The following UXS1 variants were observed in gnomAD, a reference collection of about 807,000 sequenced individuals.
UXS1 encodes the protein UDP-glucuronic acid decarboxylase 1.
UXS1 carries 33 observed loss-of-function variants against 62.6 expected under a neutral mutation model. The ratio of observed to expected loss-of-function variants is 0.53; its 90% confidence interval spans 0.40 to 0.70. The LOEUF is 0.70. Ranked by LOEUF, UXS1 falls within the 30% of genes least tolerant of loss-of-function variation. The pLI is 0.00. For missense variants in UXS1, 434 were observed against 556.3 expected, an observed-to-expected ratio of 0.78 and a Z score of 2.21; for synonymous variants, 213 against 206.8, an observed-to-expected ratio of 1.03 and a Z score of -0.26.
At chr2:106,106,364 C>CCA (rs566317519) in intron 10 of UXS1, among the ~76,000 whole-genome samples, 5 of 127,672 alleles carry the variant, frequency 3.9e-5, no homozygotes, top group Non-Finnish European at 6.5e-5. Context: ...AACTCCGTCT[C>CCA]AAAAAAAAAA....
intron 9 of UXS1, 94 bp from the exon 10 acceptor site, chr2:106,112,859 G>T (rs1678732103): frequency 6.7e-7 from 1 of 1,481,714 alleles, no homozygotes. Context: ...ATGCAGAATG[G>T]AAACGTTCTG....
At chr2:106,163,497 G>C (rs1002410901) in intron 4 of UXS1, among the ~76,000 whole-genome samples, 170 bp downstream of exon 4, 2 of 152,326 alleles carry the variant, frequency 1.3e-5, no homozygotes, top group Admixed American at 1.3e-4. Flanking sequence ...AACACATCTA[G>C]ATTGATTCTT....
intron 9 of UXS1, among the ~76,000 whole-genome samples, chr2:106,117,677 C>T (rs993996739): frequency 2.0e-5 from 3 of 152,140 alleles, no homozygotes; most frequent in African/African-American, 4.8e-5. Flanking sequence ...AGGAAGTGCA[C>T]CAAGGTACAG....
intron 13 of UXS1, chr2:106,097,426 G>A (rs1373565656): frequency 8.6e-6 from 3 of 349,720 alleles, no homozygotes; most frequent in African/African-American, 2.1e-5. Context: ...GAAAGCCTGT[G>A]GAGGCTTTCC....
intron 5 of UXS1, among the ~76,000 whole-genome samples, chr2:106,149,872 C>T (rs1279307094): frequency 6.6e-6 from 1 of 152,106 alleles, no homozygotes; most frequent in Admixed American, 6.6e-5. Context: ...AAGAGAAGAG[C>T]TGTGGGGGAA....
At chr2:106,105,644 C>G (rs1423495177) in intron 10 of UXS1, among the ~76,000 whole-genome samples, 2 of 152,192 alleles carry the variant, frequency 1.3e-5, no homozygotes, top group African/African-American at 4.8e-5. Context: ...GGTGTCCGAA[C>G]CCCCTTTGCC....
chr2:106,149,352 C>T (rs148188205), intron 5 of UXS1, among the ~76,000 whole-genome samples: 1 of 152,290 alleles, frequency 6.6e-6, no homozygotes. Context: ...AACGTGTCCA[C>T]CAAAAGCACA....
At chr2:106,095,732 C>T (rs571203076) in intron 14 of UXS1, among the ~76,000 whole-genome samples, 9 of 152,202 alleles carry the variant, frequency 5.9e-5, no homozygotes, top group Non-Finnish European at 1.2e-4. Flanking sequence ...AGGGAACAGC[C>T]AGGCAGAGGT....
intron 6 of UXS1, chr2:106,138,448 T>C (rs1018330658): frequency 2.0e-6 from 2 of 985,234 alleles, no homozygotes; most frequent in African/African-American, 1.7e-5. Context: ...GCCCCCTCGG[T>C]CACCCACAAA....
intron 5 of UXS1, among the ~76,000 whole-genome samples, chr2:106,151,989 C>A (rs538431886): frequency 2.0e-5 from 3 of 152,244 alleles, no homozygotes; most frequent in African/African-American, 4.8e-5. Context: ...GGTAAAAGAA[C>A]AAAACAACCT....
At chr2:106,131,266 A>G (rs1573475466) in intron 6 of UXS1, among the ~76,000 whole-genome samples, 2 of 147,140 alleles carry the variant, frequency 1.4e-5, no homozygotes, top group East Asian at 2.0e-4. Flanking sequence ...CGCCCATGGA[A>G]TCTCGCTGAT....
At chr2:106,187,644 A>T (rs1377822224) in intron 1 of UXS1, among the ~76,000 whole-genome samples, 1 of 152,230 alleles carries the variant, frequency 6.6e-6, no homozygotes, top group Non-Finnish European at 1.5e-5. Flanking sequence ...GACAGGAAAG[A>T]AAGGTACCAC....
intron 9 of UXS1, among the ~76,000 whole-genome samples, chr2:106,118,493 T>A (rs1297806168): frequency 6.6e-6 from 1 of 152,120 alleles, no homozygotes; most frequent in Non-Finnish European, 1.5e-5. Context: ...GACCGCAGCC[T>A]ACGGGAGAGG....
chr2:106,194,250 G>A lies in UXS1; in HGVS notation c.-9C>T. ...AGCGCCTTGCTCACCATCCCCGGGA[G>A]CCGCGCGGGTCCAGGGCCCTACCGC... On this transcript the variant is annotated 5_prime_UTR_variant, in exon 1 of 15. Transcript: ENST00000283148. The A allele has an allele frequency of 7.0e-7, 1 of 1,425,008 alleles. No individual in the cohort carries two copies. The highest frequency in any genetic ancestry group is 9.2e-7 in the Non-Finnish European group (1 of 1,082,036). 88.3% of individuals were successfully genotyped at this position (1,425,008 alleles called of 1,614,324 possible).
At chr2:106,152,491 G>A (rs549023495) in intron 5 of UXS1, among the ~76,000 whole-genome samples, 16 of 30,932 alleles carry the variant, frequency 5.2e-4, no homozygotes, top group Non-Finnish European at 1.0e-3. Context: ...GGAAGGGAGG[G>A]AGAGAGGGAG....
At chr2:106,178,594 GTATGTGTGTGTATATA>G (rs1173854577) in intron 1 of UXS1, among the ~76,000 whole-genome samples, 6 of 151,838 alleles carry the variant, frequency 4.0e-5, no homozygotes, top group Non-Finnish European at 8.8e-5. Flanking sequence ...ATATGTACAT[GTATGTGTGTGTATATA>G]TGTGTGTGTG....
intron 6 of UXS1, among the ~76,000 whole-genome samples, chr2:106,141,138 C>T (rs1379091321): frequency 6.6e-6 from 1 of 152,142 alleles, no homozygotes; most frequent in East Asian, 1.9e-4. Flanking sequence ...ACAAGTAATG[C>T]TGAAGGGAAA....
chr2:106,187,451 A>G (rs958602776), intron 1 of UXS1, among the ~76,000 whole-genome samples: 1 of 152,140 alleles, frequency 6.6e-6, no homozygotes, highest in African/African-American at 2.4e-5. Flanking sequence ...GTCCCGAATG[A>G]ATTTATGAGG....
At chr2:106,122,254 G>A (rs1283587689) in intron 9 of UXS1, among the ~76,000 whole-genome samples, 2 of 152,196 alleles carry the variant, frequency 1.3e-5, no homozygotes, top group Non-Finnish European at 2.9e-5. Flanking sequence ...CAAGCCCAAG[G>A]ACACACTCAG....
Sources: allele counts gnomAD v4.1 joint callset (sites outside exome capture counted in the v4.1 genomes callset), GRCh38; gene constraint gnomAD v4.1.1; transcripts MANE v1.5; gene names NCBI Gene and HGNC (gene_info 2026-07-23, HGNC 2026-07-21).